Variants in CENPU observed in about 807,000 individuals in gnomAD.
The protein encoded by CENPU is centromere protein U.
In CENPU, 46 loss-of-function variants were observed where a neutral mutation model predicts 56.7. The observed-to-expected ratio is 0.81, with a 90% confidence interval of 0.64 to 1.04. CENPU has a LOEUF of 1.04. Ranked by LOEUF, CENPU falls within the 50% of genes least tolerant of loss-of-function variation. The probability of loss-of-function intolerance (pLI) is 0.00; values close to 1 mark genes in which losing one functional copy is unlikely to be tolerated. For missense variants in CENPU, 510 were observed against 490.1 expected (o/e 1.04, Z -0.38); for synonymous variants, 166 against 163.0 (o/e 1.02, Z -0.14).
chr4:184,700,715 C>T (rs1266583765), intron 11 of CENPU, 105 bp downstream of exon 11: 2 of 1,002,904 alleles, frequency 2.0e-6, no homozygotes, highest in South Asian at 2.6e-5. Flanking sequence ...TGAAGATAAC[C>T]TGGGGCTTTA....
intron 6 of CENPU, among the ~76,000 whole-genome samples, chr4:184,714,126 T>A (rs1761013897): frequency 6.6e-6 from 1 of 152,110 alleles, no homozygotes; most frequent in African/African-American, 2.4e-5. Flanking sequence ...TATAAAGAGC[T>A]GGGAAATAAA....
chr4:184,725,832 C>T (rs1217408125), intron 3 of CENPU, among the ~76,000 whole-genome samples: 1 of 152,132 alleles, frequency 6.6e-6, no homozygotes, highest in Non-Finnish European at 1.5e-5. Context: ...AGCAAATGAA[C>T]TTGGTGGAAA....
chr4:184,710,231 G>T, intron 7 of CENPU, 51 bp from the exon 8 acceptor site: 2 of 1,248,844 alleles, frequency 1.6e-6, no homozygotes, highest in Non-Finnish European at 2.3e-6. Flanking sequence ...TTTGGCTGTA[G>T]GTCCAGGGTT....
Position 184,694,394 on chromosome 4 carries a change from C to G in CENPU, c.*894G>C, listed in dbSNP as rs1042970311. 2 of 1,425,614 alleles carry G rather than the reference C, an allele frequency of 1.4e-6. No homozygotes were observed. The highest frequency in any genetic ancestry group is 2.9e-5 in the African/African-American group (2 of 69,232). The allele number at this position is 1,425,614 out of a possible 1,614,324, so 88.3% of individuals were successfully genotyped here. On this transcript the variant is annotated 3_prime_UTR_variant, in exon 13 of 13. Coordinates refer to ENST00000281453, the MANE Select transcript of CENPU (RefSeq NM_024629.4). ...CGGTGAGATATCGGAGACAGCATTCCTCCTGCATATTCACTTTAGTATCTG... is the reference window on the plus strand; with the variant it reads ...CGGTGAGATATCGGAGACAGCATTCGTCCTGCATATTCACTTTAGTATCTG...
chr4:184,706,187 C>A (rs1760721987), intron 8 of CENPU, among the ~76,000 whole-genome samples: 1 of 152,082 alleles, frequency 6.6e-6, no homozygotes. Context: ...AATATCAAAT[C>A]ATTATTTTCA....
intron 2 of CENPU, among the ~76,000 whole-genome samples, chr4:184,729,808 G>A (rs1381312865): frequency 6.6e-6 from 1 of 152,190 alleles, no homozygotes; most frequent in Non-Finnish European, 1.5e-5. Context: ...CATGAAGTCT[G>A]CTACCCCAAA....
intron 7 of CENPU, among the ~76,000 whole-genome samples, chr4:184,712,257 A>G (rs1185157485): frequency 1.3e-5 from 2 of 152,208 alleles, no homozygotes; most frequent in African/African-American, 4.8e-5. Context: ...AATAAAAATG[A>G]CACCAAACAA....
chr4:184,713,429 A>AC (rs1760989751), intron 6 of CENPU, among the ~76,000 whole-genome samples: 1 of 152,240 alleles, frequency 6.6e-6, no homozygotes, highest in African/African-American at 2.4e-5. Context: ...ATTCTCATTT[A>AC]GTTCTAAAAC....
chr4:184,699,657 T>C, intron 11 of CENPU: 2 of 1,246,608 alleles, frequency 1.6e-6, no homozygotes. Flanking sequence ...TAAACTCCTG[T>C]GGCAGTCTCT....
Position 184,709,930 on chromosome 4 carries a change from A to G in CENPU, c.797+142T>C, listed in dbSNP as rs1561134163. The G allele has an allele frequency of 1.7e-5, 7 of 409,758 alleles. No homozygotes were observed. The South Asian group carries it at 3.4e-4, about 20-fold the overall frequency. 25.4% of individuals were successfully genotyped at this position (409,758 alleles called of 1,614,324 possible). A position where few individuals can be genotyped will look rare whatever the true frequency, so the allele number is the denominator to read the frequency against. ...AAACATATGAATTCTTCAAAGAATT[A>G]AAGAAAAAATTATAATAAAATGTAA... On this transcript the variant is annotated intron_variant, in intron 8 of 12. Coordinates refer to ENST00000281453, the MANE Select transcript of CENPU (RefSeq NM_024629.4).
chr4:184,694,222 C>T lies in CENPU; in HGVS notation c.*1066G>A. 9.2e-7 allele frequency: 1 copy of T among 1,092,302 alleles called. No individual in the cohort carries two copies. Among genetic ancestry groups the T allele is most frequent in the South Asian group, 3.9e-5 (1 of 25,606 alleles). 67.7% of individuals were successfully genotyped at this position (1,092,302 alleles called of 1,614,324 possible). A position where few individuals can be genotyped will look rare whatever the true frequency, so the allele number is the denominator to read the frequency against. The stretch of plus-strand genomic sequence containing the variant: ...GATTTGTCTTCAGCTGGACTGTCCA[C>T]TTGTTAAAAAATTAAATCCACCCTT... On this transcript the variant is annotated 3_prime_UTR_variant, in exon 13 of 13. Coordinates refer to ENST00000281453, the MANE Select transcript of CENPU (RefSeq NM_024629.4).
chr4:184,728,413 G>A (rs937293530), intron 3 of CENPU, among the ~76,000 whole-genome samples: 1 of 152,116 alleles, frequency 6.6e-6, no homozygotes, highest in Admixed American at 6.5e-5. Flanking sequence ...GGCTTCTGGA[G>A]TGCCCAGTGA....
chr4:184,697,897 G>C (rs919365630), intron 11 of CENPU, 94 bp from the exon 12 acceptor site: 2 of 904,810 alleles, frequency 2.2e-6, no homozygotes, highest in East Asian at 2.6e-5. Flanking sequence ...GAAGAACCGG[G>C]GCTGGCCAAC....
chr4:184,694,311 G>C lies in CENPU; in HGVS notation c.*977C>G. 1 of 1,329,702 alleles carries C rather than the reference G, an allele frequency of 7.5e-7. No individual in the cohort carries two copies. Among genetic ancestry groups the C allele is most frequent in the Non-Finnish European group, 9.6e-7 (1 of 1,038,496 alleles). 82.4% of individuals were successfully genotyped at this position (1,329,702 alleles called of 1,614,324 possible). On this transcript the variant is annotated 3_prime_UTR_variant, in exon 13 of 13. Transcript: ENST00000281453. The stretch of plus-strand genomic sequence containing the variant: ...AACTGTAGGTAATTTCAAATTTGGA[G>C]TTTCAAGTGTGTCTGAGCTTCAGTG...
chr4:184,724,269 A>C (rs1368137324), intron 4 of CENPU, among the ~76,000 whole-genome samples: 3 of 152,176 alleles, frequency 2.0e-5, no homozygotes, highest in South Asian at 2.1e-4. Flanking sequence ...CCATCTCAAA[A>C]AAACAAACAA....
At chr4:184,704,946 C>A (rs1476055687) in intron 8 of CENPU, among the ~76,000 whole-genome samples, 2 of 152,112 alleles carry the variant, frequency 1.3e-5, no homozygotes, top group African/African-American at 4.8e-5. Context: ...AGTGAGAACA[C>A]CAAATGCTGG....
At chr4:184,705,507 A>G (rs1760696229) in intron 8 of CENPU, among the ~76,000 whole-genome samples, 1 of 152,148 alleles carries the variant, frequency 6.6e-6, no homozygotes, top group Non-Finnish European at 1.5e-5. Context: ...ACCTATGCAT[A>G]TGATAAAATC....
At chr4:184,721,410 GTA>G (rs1430582535) in intron 4 of CENPU, among the ~76,000 whole-genome samples, 109 of 118,314 alleles carry the variant, frequency 9.2e-4, no homozygotes, top group African/African-American at 3.4e-3. Context: ...AACACTGAAT[GTA>G]AATGGACTAA....
intron 3 of CENPU, among the ~76,000 whole-genome samples, chr4:184,725,936 G>A (rs1036637732): frequency 6.6e-6 from 1 of 152,194 alleles, no homozygotes; most frequent in Non-Finnish European, 1.5e-5. Flanking sequence ...TAACGCAGGG[G>A]TAGAGAGCTT....
Sources: gnomAD v4.1 joint callset for allele counts (sites outside exome capture counted in the v4.1 genomes callset) on GRCh38, gnomAD v4.1.1 for gene constraint, MANE v1.5 for transcripts, NCBI Gene and HGNC (gene_info 2026-07-23, HGNC 2026-07-21) for gene names.